NRG3: variants seen among roughly 807,000 people sequenced by gnomAD.
NRG3 encodes the protein neuregulin 3.
In NRG3, 31 loss-of-function variants were observed where a neutral mutation model predicts 66.9. The observed-to-expected ratio is 0.46, with a 90% CI of 0.35 to 0.63. The LOEUF is 0.63. Ranked by LOEUF, NRG3 falls within the 20% of genes least tolerant of loss-of-function variation. The pLI, the probability that NRG3 is intolerant of heterozygous loss-of-function variation, is 0.00. For missense variants in NRG3, 910 were observed against 878.9 expected, an observed-to-expected ratio of 1.04 and a Z score of -0.45; for synonymous variants, 393 against 359.4, an observed-to-expected ratio of 1.09 and a Z score of -1.06.
intron 4 of NRG3, among the ~76,000 whole-genome samples, chr10:82,891,783 C>A (rs1305441619): frequency 6.6e-6 from 1 of 151,860 alleles, no homozygotes; most frequent in Non-Finnish European, 1.5e-5. Context: ...GTCTCTCTGT[C>A]TGGGTAGACC....
In NRG3 at chr10:81,878,776, C is replaced by G. The variant is rs574415502; in HGVS notation, c.823+2613C>G. Among the ~76,000 whole-genome samples, 5 of 152,100 alleles carry G rather than the reference C, an allele frequency of 3.3e-5. No individual in the cohort carries two copies. The South Asian group carries it at 1.0e-3, about 32-fold the overall frequency. ...GATGATGCTTTCGTTTTTTGACTAA[C>G]CCACAAATTCTTTAATGGCCAGGAT... is the stretch of plus-strand genomic sequence containing the variant. On this transcript the variant is annotated intron_variant, in intron 1 of 8. Transcript: ENST00000372141.
intron 7 of NRG3, among the ~76,000 whole-genome samples, chr10:82,974,201 A>G (rs1192321130): frequency 6.6e-6 from 1 of 152,202 alleles, no homozygotes; most frequent in South Asian, 2.1e-4. Flanking sequence ...AAACTATTTT[A>G]AAAAATATGT....
chr10:82,512,000 A>G (rs1300294337), intron 2 of NRG3, among the ~76,000 whole-genome samples: 3 of 152,192 alleles, frequency 2.0e-5, no homozygotes, highest in African/African-American at 7.2e-5. Context: ...TTAAGACCAG[A>G]AAAAGCACAC....
At chr10:82,618,696 C>G (rs2048830236) in intron 2 of NRG3, among the ~76,000 whole-genome samples, 1 of 151,788 alleles carries the variant, frequency 6.6e-6, no homozygotes, top group Non-Finnish European at 1.5e-5. Flanking sequence ...CCAAACTTTA[C>G]AGAAATTGTT....
chr10:82,651,725 G>A (rs1212720964), intron 2 of NRG3, among the ~76,000 whole-genome samples: 1 of 152,186 alleles, frequency 6.6e-6, no homozygotes, highest in African/African-American at 2.4e-5. Flanking sequence ...ACTGGGAGGT[G>A]GGGGTAATAC....
At chr10:82,564,582 C>T (rs1195832935) in intron 2 of NRG3, among the ~76,000 whole-genome samples, 2 of 152,036 alleles carry the variant, frequency 1.3e-5, no homozygotes, top group African/African-American at 2.4e-5. Flanking sequence ...CATTTCTCAG[C>T]GTAACACTTC....
intron 1 of NRG3, among the ~76,000 whole-genome samples, chr10:81,903,467 A>AT (rs1415351707): frequency 6.6e-6 from 1 of 152,240 alleles, no homozygotes; most frequent in Non-Finnish European, 1.5e-5. Context: ...GTGTAAGCAT[A>AT]ACACAACTGA....
chr10:82,909,087 C>A (rs778663583), intron 4 of NRG3, among the ~76,000 whole-genome samples: 16 of 152,218 alleles, frequency 1.1e-4, no homozygotes, highest in Non-Finnish European at 2.1e-4. Flanking sequence ...TGAGGCCATG[C>A]CTTGCGTAGA....
Position 81,912,987 on chromosome 10 carries a change from T to C in NRG3, c.823+36824T>C, listed in dbSNP as rs1845311861. Among the ~76,000 whole-genome samples the C allele has an allele frequency of 3.3e-5, 5 of 152,342 alleles. No homozygotes were observed. The South Asian group carries it at 1.0e-3, about 32-fold the overall frequency. Reference sequence around the variant, plus strand: ...GGCCACTGGAGTCAAATAAATCCATTGTGTAAACTTAGACAAGCTAATTAA... The same window carrying C: ...GGCCACTGGAGTCAAATAAATCCATCGTGTAAACTTAGACAAGCTAATTAA... On this transcript the variant is annotated intron_variant, in intron 1 of 8. Transcript: ENST00000372141.
chr10:82,191,621 G>A (rs1242446722), intron 1 of NRG3, among the ~76,000 whole-genome samples: 1 of 152,200 alleles, frequency 6.6e-6, no homozygotes, highest in Admixed American at 6.5e-5. Context: ...AGTCTCAGGT[G>A]TGTATACCAC....
intron 1 of NRG3, among the ~76,000 whole-genome samples, chr10:82,055,395 T>C (rs1280016685): frequency 1.3e-5 from 2 of 149,822 alleles, no homozygotes; most frequent in African/African-American, 4.9e-5. Flanking sequence ...GAGAATGGCC[T>C]GAACCCAGAA....
chr10:82,915,226 G>A (rs1396402721), intron 4 of NRG3, among the ~76,000 whole-genome samples: 1 of 152,168 alleles, frequency 6.6e-6, no homozygotes, highest in African/African-American at 2.4e-5. Context: ...AGTTTTTAAG[G>A]TAGCAGTTTG....
chr10:82,467,041 TC>T (rs1352460494), intron 2 of NRG3, among the ~76,000 whole-genome samples: 2 of 152,154 alleles, frequency 1.3e-5, no homozygotes, highest in African/African-American at 4.8e-5. Context: ...TTGCAGAGAT[TC>T]TATCAACTTA....
At chr10:82,608,435 G>A (rs1408356900) in intron 2 of NRG3, among the ~76,000 whole-genome samples, 4 of 152,052 alleles carry the variant, frequency 2.6e-5, no homozygotes, top group Non-Finnish European at 4.4e-5. Context: ...TGTTCCCTGG[G>A]CTTTCTGGAT....
intron 5 of NRG3, among the ~76,000 whole-genome samples, chr10:82,953,108 A>T (rs567474380): frequency 6.6e-6 from 1 of 151,912 alleles, no homozygotes; most frequent in East Asian, 1.9e-4. Flanking sequence ...CCCCATCCTT[A>T]CCATATGATA....
chr10:82,749,533 T>C (rs1188907171), intron 3 of NRG3, among the ~76,000 whole-genome samples: 1 of 152,134 alleles, frequency 6.6e-6, no homozygotes, highest in Admixed American at 6.5e-5. Context: ...TGCTCAACTC[T>C]CCATACAGTT....
intron 4 of NRG3, among the ~76,000 whole-genome samples, chr10:82,933,001 T>A (rs915882882): frequency 1.3e-5 from 2 of 152,162 alleles, no homozygotes; most frequent in Admixed American, 6.5e-5. Context: ...TCTCTCCCTC[T>A]TTATTCTTCT....
chr10:82,885,589 G>T (rs1258333396), intron 4 of NRG3, among the ~76,000 whole-genome samples: 1 of 152,198 alleles, frequency 6.6e-6, no homozygotes, highest in South Asian at 2.1e-4. Context: ...TTTGTCCTAT[G>T]TCAATACAGA....
chr10:82,326,513 A>T (rs1265513898), intron 1 of NRG3, among the ~76,000 whole-genome samples: 3 of 151,624 alleles, frequency 2.0e-5, no homozygotes, highest in African/African-American at 7.3e-5. Context: ...TTCTTCTGGA[A>T]CTCTACTTCT....
Sources: gnomAD v4.1 joint callset for allele counts (sites outside exome capture counted in the v4.1 genomes callset) on GRCh38, gnomAD v4.1.1 for gene constraint, MANE v1.5 for transcripts, NCBI Gene and HGNC (gene_info 2026-07-23, HGNC 2026-07-21) for gene names.